SORCS3: variants seen among roughly 807,000 people sequenced by gnomAD.
SORCS3 encodes VPS10 domain-containing receptor SorCS3.
Under a neutral mutation model 146.3 loss-of-function variants are expected in SORCS3, and 57 were observed. That is an observed-to-expected ratio of 0.39 (90% CI 0.31 to 0.49). SORCS3 has a LOEUF of 0.49. Ranked by LOEUF, SORCS3 falls within the 20% of genes least tolerant of loss-of-function variation. The pLI, the probability that SORCS3 is intolerant of heterozygous loss-of-function variation, is 0.92. For missense variants in SORCS3, 1,341 were observed against 1,575.5 expected, an observed-to-expected ratio of 0.85 and a Z score of 2.52; for synonymous variants, 653 against 618.5, an observed-to-expected ratio of 1.06 and a Z score of -0.83.
At chr10:105,113,921 AG>A (rs2055875769) in intron 7 of SORCS3, among the ~76,000 whole-genome samples, 1 of 152,114 alleles carries the variant, frequency 6.6e-6, no homozygotes, top group Non-Finnish European at 1.5e-5. Context: ...TTTCCTCTGT[AG>A]GGGCAGGGGA....
intron 20 of SORCS3, among the ~76,000 whole-genome samples, chr10:105,238,163 C>G (rs901793535): frequency 9.9e-5 from 15 of 152,156 alleles, no homozygotes; most frequent in Admixed American, 5.9e-4. Flanking sequence ...CATGTGCCTA[C>G]AAATCTATCA....
chr10:104,707,744 A>C (rs1046692017), intron 1 of SORCS3, among the ~76,000 whole-genome samples: 7 of 152,210 alleles, frequency 4.6e-5, no homozygotes, highest in Non-Finnish European at 8.8e-5. Context: ...GCTGAGAGCT[A>C]GTTAAAATGT....
chr10:104,643,310 G>T (rs529252546), intron 1 of SORCS3, among the ~76,000 whole-genome samples: 1 of 152,196 alleles, frequency 6.6e-6, no homozygotes, highest in Admixed American at 6.5e-5. Context: ...GGGATGTCCA[G>T]GATTGGGTAT....
chr10:104,890,125 G>A (rs1004204055), intron 2 of SORCS3, among the ~76,000 whole-genome samples: 3 of 151,720 alleles, frequency 2.0e-5, no homozygotes, highest in South Asian at 2.1e-4. Context: ...AATTGAGTAC[G>A]ACGTGCTTTG....
chr10:104,930,597 C>T (rs897384480), intron 3 of SORCS3, among the ~76,000 whole-genome samples: 5 of 152,150 alleles, frequency 3.3e-5, no homozygotes, highest in Non-Finnish European at 5.9e-5. Flanking sequence ...TTGATGGGGG[C>T]AGTAAATAGC....
chr10:104,995,438 T>A (rs10400180), intron 4 of SORCS3, among the ~76,000 whole-genome samples: 4 of 151,988 alleles, frequency 2.6e-5, no homozygotes, highest in Non-Finnish European at 4.4e-5. Flanking sequence ...GATTACAGGC[T>A]TGAGCCACCA....
At chr10:105,134,548 CA>C (rs1465652574) in intron 7 of SORCS3, among the ~76,000 whole-genome samples, 5 of 90,362 alleles carry the variant, frequency 5.5e-5, no homozygotes, top group Non-Finnish European at 9.3e-5. Context: ...ATAGAAGGGA[CA>C]AAAAGGAAAA....
chr10:104,844,401 G>T (rs1430939687), intron 2 of SORCS3, among the ~76,000 whole-genome samples: 2 of 152,108 alleles, frequency 1.3e-5, no homozygotes, highest in Admixed American at 6.6e-5. Context: ...GCTACTCCAT[G>T]TTGCAGAAAA....
rs2056575521 is a variant in SORCS3 at position 105,201,636 on chromosome 10, CCT to C, written c.2261+390_2261+391del. 3.3e-5 allele frequency among the ~76,000 whole-genome samples: 5 copies of C among 152,272 alleles called. No individual in the cohort carries two copies. In the South Asian group the frequency reaches 1.0e-3, roughly 32 times the overall value. On this transcript the variant is annotated intron_variant, in intron 16 of 26. Coordinates refer to ENST00000369701, the MANE Select transcript of SORCS3 (RefSeq NM_014978.3). ...ACTCTCACTGTGCTCTTCTACGTGA[CCT>C]CTCTCTTGTTTCCTTTTTCTCCCCC...
chr10:105,095,893 A>G (rs1367372281), intron 6 of SORCS3, among the ~76,000 whole-genome samples: 2 of 152,174 alleles, frequency 1.3e-5, no homozygotes, highest in Non-Finnish European at 2.9e-5. Context: ...AACAGAAGCA[A>G]GATCTGCTCA....
chr10:105,250,913 A>C (rs565641341), intron 22 of SORCS3, among the ~76,000 whole-genome samples: 4 of 152,244 alleles, frequency 2.6e-5, no homozygotes, highest in African/African-American at 9.6e-5. Flanking sequence ...TCCAATCCGT[A>C]AGCCTAATTC....
intron 1 of SORCS3, among the ~76,000 whole-genome samples, chr10:104,818,563 A>G (rs1195928090): frequency 2.6e-5 from 4 of 152,198 alleles, no homozygotes; most frequent in African/African-American, 9.6e-5. Context: ...GTCCTGCATT[A>G]GTCCTTTCCT....
chr10:104,871,002 G>A (rs368364151), intron 2 of SORCS3, among the ~76,000 whole-genome samples: 2 of 152,158 alleles, frequency 1.3e-5, no homozygotes, highest in East Asian at 3.9e-4. Context: ...AGCACAGTGG[G>A]CAGAGCAGCC....
At chr10:105,049,269 A>G (rs185234095) in intron 5 of SORCS3, among the ~76,000 whole-genome samples, 1 of 152,110 alleles carries the variant, frequency 6.6e-6, no homozygotes, top group Admixed American at 6.6e-5. Context: ...TCCTCTGTTC[A>G]TATCTGTCCT....
chr10:105,031,241 G>A lies in SORCS3; in HGVS notation c.955-11814G>A, dbSNP rs566491341. On this transcript the variant is annotated intron_variant, in intron 4 of 26. Transcript: ENST00000369701. The stretch of plus-strand genomic sequence containing the variant: ...TTGAACCCAGGAGTTGGAGGTTGCA[G>A]TGAGCCGAGATCACGCCACTGCCCT... Among the ~76,000 whole-genome samples the A allele has an allele frequency of 2.6e-5, 4 of 151,950 alleles. No individual in the cohort carries two copies. In the South Asian group the frequency reaches 6.3e-4, roughly 24 times the overall value.
chr10:105,129,062 C>T (rs1244484353), intron 7 of SORCS3, among the ~76,000 whole-genome samples: 1 of 152,018 alleles, frequency 6.6e-6, no homozygotes, highest in Non-Finnish European at 1.5e-5. Flanking sequence ...CCACCTTTTC[C>T]CTTCTCCTCT....
At chr10:105,162,824 C>T (rs1469765314) in intron 11 of SORCS3, among the ~76,000 whole-genome samples, 3 of 152,178 alleles carry the variant, frequency 2.0e-5, no homozygotes, top group African/African-American at 7.2e-5. Context: ...AGCTCTGGAG[C>T]AACAGTGCTC....
chr10:104,744,621 G>A (rs907729809), intron 1 of SORCS3, among the ~76,000 whole-genome samples: 1 of 152,124 alleles, frequency 6.6e-6, no homozygotes, highest in South Asian at 2.1e-4. Context: ...TTTGAAATTA[G>A]GTCTGTCTGT....
Position 104,842,743 on chromosome 10 carries a change from T to TC in SORCS3, c.628-49_628-48insC, listed in dbSNP as rs1589520519. On this transcript the variant is annotated intron_variant, in intron 1 of 26. Transcript: ENST00000369701. ...CACAAACTAAAGTAAGCTTCCTTTT[T>TC]TCCCTCCCTTTGTTCCTCTCCTTTG... is the stretch of plus-strand genomic sequence containing the variant. 3.4e-6 allele frequency: 5 copies of TC among 1,460,696 alleles called. No homozygotes were observed. In the African/African-American group the frequency reaches 7.0e-5, roughly 20 times the overall value. 90.5% of individuals were successfully genotyped at this position (1,460,696 alleles called of 1,614,324 possible).
Sources: allele counts gnomAD v4.1 joint callset (sites outside exome capture counted in the v4.1 genomes callset), GRCh38; gene constraint gnomAD v4.1.1; transcripts MANE v1.5; gene names NCBI Gene and HGNC (gene_info 2026-07-23, HGNC 2026-07-21).